ZRANB1: variants seen among roughly 807,000 people sequenced by gnomAD.
ZRANB1 encodes ubiquitin thioesterase ZRANB1.
ZRANB1 carries 16 observed loss-of-function variants against 80.5 expected under a neutral mutation model. That is an observed-to-expected ratio of 0.20 (90% CI 0.13 to 0.30). The LOEUF (loss-of-function observed/expected upper bound fraction) is 0.30. ZRANB1 is among the 10% of genes least tolerant of loss of function. The pLI, the probability that ZRANB1 is intolerant of heterozygous loss-of-function variation, is 1.00. For synonymous variants in ZRANB1, 291 were observed against 293.1 expected (o/e 0.99, Z 0.07); for missense variants, 576 against 862.6 (o/e 0.67, Z 4.16).
At chr10:124,958,335 T>A (rs1268391238) in intron 1 of ZRANB1, among the ~76,000 whole-genome samples, 1 of 152,158 alleles carries the variant, frequency 6.6e-6, no homozygotes, top group African/African-American at 2.4e-5. Context: ...GAGGATTGCT[T>A]GAGGCAAGAG....
chr10:124,936,791 C>T, the ZRANB1 span, among the ~76,000 whole-genome samples: 1 of 152,138 alleles, frequency 6.6e-6, no homozygotes, highest in Non-Finnish European at 1.5e-5. Context: ...ATTTAGCATG[C>T]TTGGAAAATC....
At chr10:124,952,405 G>T (rs970685160) in intron 1 of ZRANB1, among the ~76,000 whole-genome samples, 1 of 152,124 alleles carries the variant, frequency 6.6e-6, no homozygotes, top group Non-Finnish European at 1.5e-5. Context: ...CAGCCTCTAG[G>T]AGAAAAGGCA....
At chr10:124,977,173 G>A (rs1223073093) in intron 5 of ZRANB1, among the ~76,000 whole-genome samples, 7 of 147,522 alleles carry the variant, frequency 4.7e-5, no homozygotes, top group Admixed American at 2.0e-4. Context: ...GGTCCTCACT[G>A]TATTGCCCAG....
intron 6 of ZRANB1, among the ~76,000 whole-genome samples, chr10:124,982,913 G>C (rs1168922512): frequency 6.6e-6 from 1 of 152,198 alleles, no homozygotes; most frequent in Non-Finnish European, 1.5e-5. Flanking sequence ...AGTTAGTAGT[G>C]AGGGATATTT....
the ZRANB1 span, among the ~76,000 whole-genome samples, chr10:124,932,982 A>C: frequency 6.6e-6 from 1 of 152,064 alleles, no homozygotes; most frequent in South Asian, 2.1e-4. Context: ...ACTGAGTTTT[A>C]AGAGTTCTTC....
chr10:124,954,574 A>G (rs1951673841), intron 1 of ZRANB1, among the ~76,000 whole-genome samples: 1 of 148,294 alleles, frequency 6.7e-6, no homozygotes, highest in South Asian at 2.1e-4. Context: ...CAGCTTCCCT[A>G]GTAGCTGGGA....
At chr10:124,954,090 C>T (rs1951666589) in intron 1 of ZRANB1, among the ~76,000 whole-genome samples, 1 of 149,724 alleles carries the variant, frequency 6.7e-6, no homozygotes, top group East Asian at 2.0e-4. Context: ...CTTTCAGCCT[C>T]CTGAGTAGCT....
chr10:124,944,318 G>A (rs889863975), intron 1 of ZRANB1, among the ~76,000 whole-genome samples: 1 of 152,144 alleles, frequency 6.6e-6, no homozygotes, highest in Non-Finnish European at 1.5e-5. Context: ...CAATAGCTAA[G>A]CTTTAACTAT....
In ZRANB1 at chr10:124,974,283, C is replaced by G; in HGVS notation, c.1312C>G (p.Arg438Gly). 1 of 1,614,176 alleles carries G rather than the reference C, an allele frequency of 6.2e-7. No individual in the cohort carries two copies. Among genetic ancestry groups the G allele is most frequent in the Non-Finnish European group, 8.5e-7 (1 of 1,180,020 alleles). ...CAGTCGACTGTATGCACTTTGGAAC[C>G]GGACTGCAGGAGACTGCCTACTTGA... ...LDSRLYALWN[R>G]TAGDCLLDSV... Residue 438 changes from arginine to glycine, a missense_variant, in exon 5 of 9, where the codon CGG (arginine) becomes GGG (glycine). Physicochemically the swap from Arg to Gly is moderately radical, Grantham distance 125. Around this residue, in one of 3 missense-constraint regions of ZRANB1, gnomAD observed 411 missense variants for 583.1 expected, o/e 0.70. Coordinates refer to ENST00000359653, the MANE Select transcript of ZRANB1 (RefSeq NM_017580.3).
chr10:124,966,715 C>T lies in ZRANB1; in HGVS notation c.936C>T (p.Gly312=), dbSNP rs1431753008. 1.2e-6 allele frequency: 2 copies of T among 1,613,988 alleles called. No individual in the cohort carries two copies. Among genetic ancestry groups the T allele is most frequent in the African/African-American group, 2.7e-5 (2 of 74,888 alleles). The part of the protein sequence containing the change: ...LLNRPSAFDV[G]YTLVHLAIRF... Reference sequence around the variant, plus strand: ...ATCGTCCTTCTGCCTTTGATGTTGGCTATACTCTTGTACACTTGGCTATAC... The same window carrying T: ...ATCGTCCTTCTGCCTTTGATGTTGGTTATACTCTTGTACACTTGGCTATAC... The change falls in exon 2 of 9, where the codon GGC becomes GGT. Residue 312 remains glycine (G), a synonymous_variant. Transcript: ENST00000359653.
the ZRANB1 span, among the ~76,000 whole-genome samples, chr10:124,925,539 G>T: frequency 2.6e-5 from 4 of 152,120 alleles, no homozygotes; most frequent in African/African-American, 7.2e-5. Flanking sequence ...CTGTCTGTGG[G>T]TTGTGTTTTC....
the ZRANB1 span, among the ~76,000 whole-genome samples, chr10:124,926,168 G>C: frequency 1.3e-5 from 2 of 152,176 alleles, no homozygotes; most frequent in African/African-American, 4.8e-5. Context: ...AAGTCAGTGA[G>C]TGAGTGATGA....
the ZRANB1 span, among the ~76,000 whole-genome samples, chr10:124,929,892 G>A: frequency 6.6e-6 from 1 of 150,546 alleles, no homozygotes; most frequent in Non-Finnish European, 1.5e-5. Flanking sequence ...GTTGCAGTGA[G>A]GTGAGATCTG....
intron 1 of ZRANB1, among the ~76,000 whole-genome samples, chr10:124,960,762 A>G (rs1951726639): frequency 6.6e-6 from 1 of 152,138 alleles, no homozygotes; most frequent in African/African-American, 2.4e-5. Context: ...CCTCTAGTAA[A>G]AAAAAGGTGG....
upstream of ZRANB1, among the ~76,000 whole-genome samples, chr10:124,938,344 CTT>C (rs35984588): frequency 2.8e-5 from 4 of 144,868 alleles, no homozygotes; most frequent in African/African-American, 2.5e-5. Context: ...TTTTTCTTTT[CTT>C]TTTTTTTTTT....
At chr10:124,965,963 T>G (rs1429389982) in intron 1 of ZRANB1, among the ~76,000 whole-genome samples, 1 of 152,216 alleles carries the variant, frequency 6.6e-6, no homozygotes, top group Non-Finnish European at 1.5e-5. Flanking sequence ...TTAGCGTATT[T>G]TATATGAAAT....
chr10:124,934,388 C>G, the ZRANB1 span, among the ~76,000 whole-genome samples: 1 of 152,308 alleles, frequency 6.6e-6, no homozygotes, highest in South Asian at 2.1e-4. Context: ...TATTTACATA[C>G]AATTTCACAC....
chr10:124,972,683 C>T (rs1055399286), intron 3 of ZRANB1, among the ~76,000 whole-genome samples: 2 of 151,894 alleles, frequency 1.3e-5, no homozygotes, highest in African/African-American at 2.4e-5. Context: ...CTCCAGAATG[C>T]GTTTTGTCAG....
rs1951543839 is a variant in ZRANB1 at position 124,942,404 on chromosome 10, T to G, written c.-90T>G. The G allele has an allele frequency of 6.5e-7, 1 of 1,550,184 alleles. No individual in the cohort carries two copies. The highest frequency in any genetic ancestry group is 8.7e-7 in the Non-Finnish European group (1 of 1,148,530). ...AAGGACTTGCTTTTTGGGCAGCGTA[T>G]TTTTGGAGGTGGAATGTAGTTATTT... On this transcript the variant is annotated 5_prime_UTR_variant, in exon 1 of 9. Coordinates refer to ENST00000359653, the MANE Select transcript of ZRANB1 (RefSeq NM_017580.3).
Sources: gnomAD v4.1 joint callset for allele counts (sites outside exome capture counted in the v4.1 genomes callset) on GRCh38, gnomAD v4.1.1 for gene constraint, gnomAD v4.1.1 regional missense constraint, MANE v1.5 for transcripts, NCBI Gene and HGNC (gene_info 2026-07-23, HGNC 2026-07-21) for gene names.